The following APPL2 variants were observed in gnomAD, a reference collection of about 807,000 sequenced individuals.
APPL2 encodes DCC-interacting protein 13-beta.
In APPL2, 84 loss-of-function variants were observed where a neutral mutation model predicts 92.7. That is an observed-to-expected ratio of 0.91 (90% CI 0.76 to 1.09). The LOEUF (loss-of-function observed/expected upper bound fraction) is 1.09, where lower values mean the gene tolerates loss of function less well. Among genes scored for constraint, APPL2 ranks in the 50% least tolerant of loss-of-function variants. The pLI is 0.00. For synonymous variants in APPL2, 291 were observed against 291.0 expected (o/e 1.00, Z 0.00); for missense variants, 736 against 824.5 (o/e 0.89, Z 1.31).
Position 105,188,430 on chromosome 12 carries a change from TCTG to T in APPL2, c.1474_1476del (p.Gln492del). The stretch of plus-strand genomic sequence containing the variant: ...GATCCCAAAAACCGAACTATAAACA[TCTG>T]CTGCAAAAGAGAATCTGGAAGACAG... On this transcript the variant is annotated inframe_deletion, in exon 17 of 21. Coordinates refer to ENST00000258530, the MANE Select transcript of APPL2 (RefSeq NM_018171.5). 6.2e-7 allele frequency: 1 copy of T among 1,614,082 alleles called. No homozygotes were observed. Among genetic ancestry groups the T allele is most frequent in the Non-Finnish European group, 8.5e-7 (1 of 1,180,002 alleles).
At chr12:105,187,155 A>C (rs1886808319) in intron 17 of APPL2, among the ~76,000 whole-genome samples, 1 of 152,206 alleles carries the variant, frequency 6.6e-6, no homozygotes, top group Non-Finnish European at 1.5e-5. Context: ...CATTTCTGTA[A>C]AAGGTCCAGG....
intron 20 of APPL2, among the ~76,000 whole-genome samples, chr12:105,175,772 A>AAG (rs1885475912): frequency 3.4e-4 from 2 of 5,950 alleles, no homozygotes; most frequent in Admixed American, 2.3e-3. Context: ...CTTAATCTGA[A>AAG]AGAGGAAATC....
At chr12:105,178,015 T>C (rs1885720013) in intron 17 of APPL2, among the ~76,000 whole-genome samples, 1 of 152,204 alleles carries the variant, frequency 6.6e-6, no homozygotes, top group African/African-American at 2.4e-5. Context: ...GGTGTCGAAC[T>C]CCTGACCTCA....
chr12:105,190,080 T>C lies in APPL2; in HGVS notation c.1317A>G (p.Glu439=), dbSNP rs746211065. The C allele has an allele frequency of 1.9e-6, 3 of 1,614,238 alleles. No individual in the cohort carries two copies. Among genetic ancestry groups the C allele is most frequent in the Non-Finnish European group, 2.5e-6 (3 of 1,180,042 alleles). Residue 439 remains glutamate (E), a synonymous_variant, in exon 15 of 21, where the codon GAA becomes GAG. Coordinates refer to ENST00000258530, the MANE Select transcript of APPL2 (RefSeq NM_018171.5). ...TTCCAGGCGCGATCAGCTCCTCTGC[T>C]TCAGGTAGACTGGCTGTTGCTTTGG... ...IVPKATASLP[E]AEELIAPGTP...
At chr12:105,198,618 C>T (rs990057831) in intron 10 of APPL2, among the ~76,000 whole-genome samples, 1 of 152,206 alleles carries the variant, frequency 6.6e-6, no homozygotes, top group Non-Finnish European at 1.5e-5. Context: ...TTACTTGGCT[C>T]AGTATTTACT....
intron 2 of APPL2, among the ~76,000 whole-genome samples, chr12:105,222,690 G>A (rs1890195369): frequency 6.6e-6 from 1 of 152,234 alleles, no homozygotes; most frequent in African/African-American, 2.4e-5. Flanking sequence ...CAGACATGGT[G>A]TAGGGCACTG....
At chr12:105,208,300 G>A (rs1490472534) in intron 5 of APPL2, 101 bp from the exon 6 acceptor site, 1 of 1,427,698 alleles carries the variant, frequency 7.0e-7, no homozygotes, top group African/African-American at 1.4e-5. Flanking sequence ...ATGCGTGCAA[G>A]GGAAGCCCCT....
At chr12:105,203,648 CA>C in intron 9 of APPL2, 54 bp downstream of exon 9, 1 of 1,537,104 alleles carries the variant, frequency 6.5e-7, no homozygotes, top group Non-Finnish European at 9.0e-7. Flanking sequence ...CCAGAGATGT[CA>C]GATCAGCATG....
At chr12:105,197,384 A>T (rs1887750018) in intron 11 of APPL2, among the ~76,000 whole-genome samples, 1 of 152,256 alleles carries the variant, frequency 6.6e-6, no homozygotes, top group East Asian at 1.9e-4. Flanking sequence ...GTCCTTACCA[A>T]AATAGTTACT....
intron 17 of APPL2, among the ~76,000 whole-genome samples, chr12:105,186,675 A>ATC (rs1886718270): frequency 1.1e-5 from 1 of 94,520 alleles, no homozygotes; most frequent in Non-Finnish European, 2.2e-5. Flanking sequence ...CATATATATG[A>ATC]TATATCATAT....
intron 20 of APPL2, among the ~76,000 whole-genome samples, chr12:105,175,519 A>T (rs941793270): frequency 2.0e-5 from 3 of 152,226 alleles, no homozygotes; most frequent in African/African-American, 7.2e-5. Flanking sequence ...AAAGTTCTGT[A>T]CATTGCTGAA....
intron 14 of APPL2, among the ~76,000 whole-genome samples, chr12:105,194,497 C>T (rs1325888671): frequency 6.6e-6 from 1 of 152,164 alleles, no homozygotes; most frequent in East Asian, 1.9e-4. Context: ...TCAAGACCAG[C>T]CTGGCTAACA....
intron 17 of APPL2, among the ~76,000 whole-genome samples, chr12:105,187,791 A>T (rs1419300959): frequency 3.9e-5 from 6 of 152,190 alleles, no homozygotes; most frequent in Non-Finnish European, 7.3e-5. Flanking sequence ...CTGTGGCTAC[A>T]GTATCATACA....
chr12:105,213,148 T>C (rs1157825875), intron 4 of APPL2, among the ~76,000 whole-genome samples: 3 of 152,208 alleles, frequency 2.0e-5, no homozygotes, highest in Non-Finnish European at 2.9e-5. Flanking sequence ...CCATATAAGA[T>C]GGAGAAACCA....
Position 105,229,225 on chromosome 12 carries a change from T to C in APPL2, c.55-2A>G, listed in dbSNP as rs1343677187. Reference sequence around the variant, plus strand: ...AAACACGCTCAGTAAAGAGCGAGTCTGGAAGAAAAGAAGAAAAAAGGTCAA... The same window carrying C: ...AAACACGCTCAGTAAAGAGCGAGTCCGGAAGAAAAGAAGAAAAAAGGTCAA... On this transcript the variant is annotated splice_acceptor_variant, in intron 1 of 20. Transcript: ENST00000258530. LOFTEE classifies it high-confidence loss of function. The C allele has an allele frequency of 6.2e-6, 10 of 1,611,662 alleles. No individual in the cohort carries two copies. The highest frequency in any genetic ancestry group is 8.5e-6 in the Non-Finnish European group (10 of 1,179,102).
intron 16 of APPL2, among the ~76,000 whole-genome samples, 178 bp from the exon 17 acceptor site, chr12:105,188,625 C>T (rs1052404578): frequency 1.3e-5 from 2 of 152,206 alleles, no homozygotes; most frequent in African/African-American, 4.8e-5. Flanking sequence ...CATTTGTCTA[C>T]ATCTTGTCAG....
chr12:105,188,137 C>CTT, intron 17 of APPL2, 136 bp downstream of exon 17: 1 of 957,484 alleles, frequency 1.0e-6, no homozygotes, highest in Non-Finnish European at 1.5e-6. Context: ...GGCTATCTAT[C>CTT]TTATGTAAAA....
chr12:105,185,056 T>A (rs1365300834), intron 17 of APPL2, among the ~76,000 whole-genome samples: 3 of 152,104 alleles, frequency 2.0e-5, no homozygotes, highest in Non-Finnish European at 4.4e-5. Flanking sequence ...CTTTACACTC[T>A]AAGGGGAAAA....
At chr12:105,183,922 A>G (rs1178385121) in intron 17 of APPL2, among the ~76,000 whole-genome samples, 1 of 152,150 alleles carries the variant, frequency 6.6e-6, no homozygotes, top group Non-Finnish European at 1.5e-5. Context: ...GTCTTTTCAC[A>G]TAGTCCCATA....
Sources: allele counts gnomAD v4.1 joint callset (sites outside exome capture counted in the v4.1 genomes callset), GRCh38; gene constraint gnomAD v4.1.1; transcripts MANE v1.5; gene names NCBI Gene and HGNC (gene_info 2026-07-23, HGNC 2026-07-21).